The following MCU variants were observed in gnomAD, a reference collection of about 807,000 sequenced individuals.
MCU encodes mitochondrial calcium uniporter.
Under a neutral mutation model 45.2 loss-of-function variants are expected in MCU, and 12 were observed. The observed-to-expected ratio is 0.27, with a 90% CI of 0.17 to 0.43. The LOEUF is 0.43. Ranked by LOEUF, MCU falls within the 20% of genes least tolerant of loss-of-function variation. The pLI is 1.00. For synonymous variants in MCU, 160 were observed against 165.1 expected (o/e 0.97, Z 0.24); for missense variants, 324 against 436.7 (o/e 0.74, Z 2.30).
intron 1 of MCU, among the ~76,000 whole-genome samples, chr10:72,762,674 A>G (rs959996275): frequency 5.3e-5 from 8 of 152,328 alleles, no homozygotes; most frequent in Admixed American, 2.0e-4. Flanking sequence ...GAGCACCTCT[A>G]CGTACAGGAA....
At chr10:72,702,690 A>AT (rs552876907) in intron 1 of MCU, among the ~76,000 whole-genome samples, 49 of 152,290 alleles carry the variant, frequency 3.2e-4, no homozygotes, top group African/African-American at 1.1e-3. Context: ...AAGAGGAAAC[A>AT]TTTGGGGCCA....
At position 72,859,319 on chromosome 10, in the gene MCU, AATTG is replaced by A; in HGVS notation, c.365_368del (p.Ile122ThrfsTer19). ...GACAACTGCAAGAAGAGGATCGGGG[AATTG>A]ACAGAGTTGCTATCTATTCACCAGG... is the stretch of plus-strand genomic sequence containing the variant. On this transcript the variant is annotated frameshift_variant, in exon 3 of 8. Coordinates refer to ENST00000373053, the MANE Select transcript of MCU (RefSeq NM_138357.3). The A allele has an allele frequency of 1.2e-6, 2 of 1,613,000 alleles. No homozygotes were observed. The highest frequency in any genetic ancestry group is 1.7e-6 in the Non-Finnish European group (2 of 1,179,640).
intron 1 of MCU, among the ~76,000 whole-genome samples, chr10:72,793,127 T>C (rs1844192408): frequency 6.6e-6 from 1 of 152,186 alleles, no homozygotes; most frequent in African/African-American, 2.4e-5. Flanking sequence ...TCTGCTCGCC[T>C]TGGCCTCCCA....
chr10:72,774,750 TTA>T (rs1843864878), intron 1 of MCU, among the ~76,000 whole-genome samples: 1 of 152,144 alleles, frequency 6.6e-6, no homozygotes, highest in Non-Finnish European at 1.5e-5. Flanking sequence ...GTAGCTATAC[TTA>T]TATTGAATAA....
intron 1 of MCU, among the ~76,000 whole-genome samples, chr10:72,826,742 C>T (rs1281052513): frequency 4.6e-5 from 7 of 152,098 alleles, no homozygotes; most frequent in African/African-American, 1.7e-4. Context: ...TTTCATTACC[C>T]ACAGTCAGCT....
At chr10:72,859,472 T>G in intron 3 of MCU, 125 bp downstream of exon 3, 1 of 835,968 alleles carries the variant, frequency 1.2e-6, no homozygotes, top group East Asian at 2.7e-5. Flanking sequence ...CAGAAAACTT[T>G]TTTCTTTTGC....
intron 6 of MCU, among the ~76,000 whole-genome samples, chr10:72,881,791 G>A (rs746385035): frequency 6.6e-6 from 1 of 152,166 alleles, no homozygotes; most frequent in Non-Finnish European, 1.5e-5. Context: ...TAGTGATCAG[G>A]AAAATGCTGT....
At chr10:72,876,695 T>A (rs1845620151) in intron 6 of MCU, among the ~76,000 whole-genome samples, 1 of 152,206 alleles carries the variant, frequency 6.6e-6, no homozygotes, top group South Asian at 2.1e-4. Context: ...TAAATGCAAC[T>A]GTATCTGTAC....
intron 1 of MCU, among the ~76,000 whole-genome samples, chr10:72,820,480 C>T (rs1844694434): frequency 6.6e-6 from 1 of 151,684 alleles, no homozygotes; most frequent in Non-Finnish European, 1.5e-5. Context: ...AACACAGGTG[C>T]CCTTCTGGAC....
At chr10:72,851,826 T>C (rs530905980) in intron 2 of MCU, among the ~76,000 whole-genome samples, 32 of 152,304 alleles carry the variant, frequency 2.1e-4, no homozygotes, top group Admixed American at 1.9e-3. Flanking sequence ...GCAGTTTATT[T>C]TGGGGGAAGG....
At chr10:72,711,222 T>C (rs1205877192) in intron 1 of MCU, among the ~76,000 whole-genome samples, 2 of 133,574 alleles carry the variant, frequency 1.5e-5, no homozygotes, top group Non-Finnish European at 3.3e-5. Flanking sequence ...TCTGCAAATC[T>C]TTTTTTTTTT....
At chr10:72,818,200 C>T (rs1844654804) in intron 1 of MCU, among the ~76,000 whole-genome samples, 1 of 152,174 alleles carries the variant, frequency 6.6e-6, no homozygotes, top group Non-Finnish European at 1.5e-5. Flanking sequence ...TAACCTAGGT[C>T]ACCTGTGACT....
intron 1 of MCU, among the ~76,000 whole-genome samples, chr10:72,831,672 C>T (rs955773662): frequency 5.9e-5 from 9 of 152,080 alleles, no homozygotes; most frequent in African/African-American, 2.2e-4. Flanking sequence ...GAAAATACAG[C>T]ATAAAAGGAT....
At position 72,876,930 on chromosome 10, in the gene MCU, T is replaced by G. The variant is rs527520453; in HGVS notation, c.861+5350T>G. 1.2e-4 allele frequency among the ~76,000 whole-genome samples: 18 copies of G among 151,794 alleles called. No homozygotes were observed. The South Asian group carries it at 2.9e-3, about 25-fold the overall frequency. ...TTAGTATCAAATCACAGTTTTTTTT[T>G]TTTTTTTTTGAGACAGGGTTTTACT... On this transcript the variant is annotated intron_variant, in intron 6 of 7. Transcript: ENST00000373053.
At chr10:72,778,133 A>G (rs536201226) in intron 1 of MCU, among the ~76,000 whole-genome samples, 23 of 152,322 alleles carry the variant, frequency 1.5e-4, no homozygotes, top group Admixed American at 5.2e-4. Flanking sequence ...TCAAAAAACT[A>G]AAAATAGAGC....
intron 1 of MCU, among the ~76,000 whole-genome samples, chr10:72,738,927 G>GT (rs1025374483): frequency 2.8e-4 from 43 of 151,806 alleles, no homozygotes; most frequent in African/African-American, 8.0e-4. Flanking sequence ...AAAATGCTCG[G>GT]TTTTTTTTAA....
chr10:72,817,615 G>C lies in MCU; in HGVS notation c.151-16744G>C, dbSNP rs1844647022. On this transcript the variant is annotated intron_variant, in intron 1 of 7. Coordinates refer to ENST00000373053, the MANE Select transcript of MCU (RefSeq NM_138357.3). ...CTTACAGTTCAGTTCAACAGTTTTT[G>C]TTTTATTGTTGTTGTTGTTTTTAAG... Among the ~76,000 whole-genome samples the C allele has an allele frequency of 2.0e-5, 3 of 152,066 alleles. 1 individual carries two copies. In the South Asian group the frequency reaches 6.2e-4, roughly 31 times the overall value.
chr10:72,765,839 A>G (rs1018694291), intron 1 of MCU, among the ~76,000 whole-genome samples: 3 of 151,438 alleles, frequency 2.0e-5, no homozygotes, highest in African/African-American at 7.3e-5. Flanking sequence ...AAAACAATTC[A>G]GATGACTATT....
intron 1 of MCU, among the ~76,000 whole-genome samples, chr10:72,763,122 A>G (rs959248793): frequency 6.6e-6 from 1 of 152,194 alleles, no homozygotes; most frequent in African/African-American, 2.4e-5. Context: ...AATTGATTAA[A>G]TAACTGTGAT....
Sources: allele counts gnomAD v4.1 joint callset (sites outside exome capture counted in the v4.1 genomes callset), GRCh38; gene constraint gnomAD v4.1.1; transcripts MANE v1.5; gene names NCBI Gene and HGNC (gene_info 2026-07-23, HGNC 2026-07-21).